Variants in FMN2 observed in about 807,000 individuals in gnomAD.
FMN2 encodes formin-2.
A neutral mutation model predicts 142.3 loss-of-function variants in FMN2; 51 were observed. That is an observed-to-expected ratio of 0.36 (90% CI 0.29 to 0.45). The LOEUF is 0.45. FMN2 is among the 20% of genes least tolerant of loss of function. FMN2 has a pLI of 1.00. For synonymous variants in FMN2, 882 were observed against 869.8 expected (o/e 1.01, Z -0.25); for missense variants, 1,936 against 2,122.8 (o/e 0.91, Z 1.73).
chr1:240,363,956 TG>T (rs1307809747), intron 14 of FMN2, among the ~76,000 whole-genome samples: 1 of 151,802 alleles, frequency 6.6e-6, no homozygotes, highest in Non-Finnish European at 1.5e-5. Context: ...TAGGGGAAAG[TG>T]GGGGGTTCAG....
chr1:240,323,231 C>G (rs1319605479), intron 8 of FMN2, among the ~76,000 whole-genome samples: 2 of 151,296 alleles, frequency 1.3e-5, no homozygotes, highest in East Asian at 1.9e-4. Flanking sequence ...CTCTCACTCT[C>G]TCACCCAGGC....
chr1:240,313,613 C>T (rs2102990345), intron 8 of FMN2, among the ~76,000 whole-genome samples: 1 of 152,016 alleles, frequency 6.6e-6, no homozygotes, highest in African/African-American at 2.4e-5. Context: ...TCCTGGACAG[C>T]TCTGTGTACC....
At chr1:240,395,339 AC>A (rs1673739162) in intron 15 of FMN2, among the ~76,000 whole-genome samples, 1 of 152,236 alleles carries the variant, frequency 6.6e-6, no homozygotes, top group Non-Finnish European at 1.5e-5. Flanking sequence ...GCCTGCTAAC[AC>A]AGCATTCATT....
intron 2 of FMN2, among the ~76,000 whole-genome samples, chr1:240,172,768 T>C (rs1197406555): frequency 1.3e-5 from 2 of 152,172 alleles, no homozygotes; most frequent in Non-Finnish European, 1.5e-5. Flanking sequence ...CCTTCCTTTT[T>C]CCATATGATA....
chr1:240,198,593 T>C (rs1433364707), intron 4 of FMN2, among the ~76,000 whole-genome samples: 8 of 152,208 alleles, frequency 5.3e-5, no homozygotes, highest in Admixed American at 5.2e-4. Flanking sequence ...TGTTCTATTT[T>C]AAAAAGCCCT....
At chr1:240,468,204 A>ATG (rs1379393586) in intron 16 of FMN2, among the ~76,000 whole-genome samples, 3 of 90,504 alleles carry the variant, frequency 3.3e-5, no homozygotes, top group African/African-American at 7.5e-5. Context: ...AAATATATAT[A>ATG]TATGTGTGTG....
Position 240,207,057 on chromosome 1 carries a change from A to G in FMN2, c.2245A>G (p.Thr749Ala). The change falls in exon 5 of 18, where the codon ACG becomes GCG. Residue 749 changes from threonine to alanine, a missense_variant. Around this residue, in one of 8 missense-constraint regions of FMN2, gnomAD observed 478 missense variants for 462.8 expected, o/e 1.03. Coordinates refer to ENST00000319653, the MANE Select transcript of FMN2 (RefSeq NM_020066.5). The stretch of plus-strand genomic sequence containing the variant: ...GGCGAAATCGATACAGACTTCCCCC[A>G]CGGAAGAGGGCGGGGTGCTGACACT... ...LEAKSIQTSP[T>A]EEGGVLTLPP... The G allele has an allele frequency of 6.2e-7, 1 of 1,614,118 alleles. No homozygotes were observed. The highest frequency in any genetic ancestry group is 1.3e-5 in the African/African-American group (1 of 75,036).
At position 240,093,462 on chromosome 1, in the gene FMN2, G is replaced by C. The variant is rs1332107824; in HGVS notation, c.1353G>C (p.Leu451=). 1.2e-6 allele frequency: 2 copies of C among 1,613,352 alleles called. No homozygotes were observed. The highest frequency in any genetic ancestry group is 1.7e-6 in the Non-Finnish European group (2 of 1,179,706). The change falls in exon 1 of 18, where the codon CTG becomes CTC. Residue 451 remains leucine, a synonymous_variant. Transcript: ENST00000319653. ...PRIKRRPEPS[L]SRGSRTALAS... ...TCAAGAGGCGGCCGGAACCCTCCCTGAGCCGAGGGTCCAGAACTGCCCTGG... is the reference window on the plus strand; with the variant it reads ...TCAAGAGGCGGCCGGAACCCTCCCTCAGCCGAGGGTCCAGAACTGCCCTGG...
At chr1:240,094,486 A>G (rs1490080114) in intron 1 of FMN2, among the ~76,000 whole-genome samples, 1 of 152,162 alleles carries the variant, frequency 6.6e-6, no homozygotes, top group Non-Finnish European at 1.5e-5. Flanking sequence ...CCTCCCTAGC[A>G]TATGTTATAG....
intron 6 of FMN2, among the ~76,000 whole-genome samples, chr1:240,222,536 A>G (rs1426803235): frequency 2.0e-5 from 3 of 152,034 alleles, no homozygotes; most frequent in African/African-American, 7.2e-5. Context: ...AAGGAAGTCA[A>G]TGGTAGCTTG....
At chr1:240,344,902 A>G (rs1360536692) in intron 13 of FMN2, among the ~76,000 whole-genome samples, 1 of 152,190 alleles carries the variant, frequency 6.6e-6, no homozygotes, top group Non-Finnish European at 1.5e-5. Context: ...GCAATAGTCA[A>G]CTTAGTTTAA....
chr1:240,327,189 A>C (rs147177151), intron 8 of FMN2, among the ~76,000 whole-genome samples: 3 of 152,350 alleles, frequency 2.0e-5, no homozygotes, highest in African/African-American at 7.2e-5. Context: ...ATTTGCAGTG[A>C]AATGTACCTC....
At chr1:240,255,110 A>G (rs1020551091) in intron 6 of FMN2, among the ~76,000 whole-genome samples, 1 of 152,150 alleles carries the variant, frequency 6.6e-6, no homozygotes, top group African/African-American at 2.4e-5. Flanking sequence ...ACTTTACCAC[A>G]TGAGGGAGCC....
chr1:240,093,864 G>T, intron 1 of FMN2, 140 bp downstream of exon 1: 1 of 526,176 alleles, frequency 1.9e-6, no homozygotes, highest in Non-Finnish European at 2.9e-6. Context: ...ATCCTTTTCC[G>T]CCCAGCGAGC....
At chr1:240,126,919 G>GT (rs1274210788) in intron 2 of FMN2, among the ~76,000 whole-genome samples, 2 of 152,080 alleles carry the variant, frequency 1.3e-5, no homozygotes, top group Non-Finnish European at 2.9e-5. Context: ...AGTGAATGGC[G>GT]TGGGGGTAGG....
intron 14 of FMN2, among the ~76,000 whole-genome samples, chr1:240,372,364 C>T (rs1672896117): frequency 6.6e-6 from 1 of 152,052 alleles, no homozygotes; most frequent in South Asian, 2.1e-4. Flanking sequence ...TAGGTCTTAC[C>T]TGAATTCTTG....
chr1:240,355,951 C>CAAAAA lies in FMN2; in HGVS notation c.4858+74_4858+78dup, dbSNP rs58002724. ...GTGTTATGTTTTTCTCCCCTTTCAGCAAAAAAAAAAAAAAAAAAAAAAAAA... is the reference window on the plus strand; with the variant it reads ...GTGTTATGTTTTTCTCCCCTTTCAGCAAAAAAAAAAAAAAAAAAAAAAAAAAAAAA... On this transcript the variant is annotated intron_variant, in intron 14 of 17. Transcript: ENST00000319653. 1.0e-3 allele frequency: 252 copies of CAAAAA among 252,550 alleles called. 12 individuals are homozygous for CAAAAA. Among genetic ancestry groups the CAAAAA allele is most frequent in the African/African-American group, 3.0e-3 (78 of 25,918 alleles). 15.6% of individuals were successfully genotyped at this position (252,550 alleles called of 1,614,324 possible).
At chr1:240,255,310 G>A (rs1372164421) in intron 6 of FMN2, among the ~76,000 whole-genome samples, 1 of 152,028 alleles carries the variant, frequency 6.6e-6, no homozygotes, top group African/African-American at 2.4e-5. Context: ...CTTGTTTGTG[G>A]AGGAGGCGAG....
intron 15 of FMN2, among the ~76,000 whole-genome samples, chr1:240,394,145 C>T (rs1673698107): frequency 1.3e-5 from 2 of 152,184 alleles, no homozygotes; most frequent in Non-Finnish European, 2.9e-5. Flanking sequence ...TCTGGCCTCT[C>T]ATTGTCCAGA....
Sources: allele counts gnomAD v4.1 joint callset (sites outside exome capture counted in the v4.1 genomes callset), GRCh38; gene constraint gnomAD v4.1.1; regional missense constraint gnomAD v4.1.1; transcripts MANE v1.5; gene names NCBI Gene and HGNC (gene_info 2026-07-23, HGNC 2026-07-21).